PIBF1: variants seen among roughly 807,000 people sequenced by gnomAD.
PIBF1 encodes the protein progesterone immunomodulatory binding factor 1, also known as progesterone-induced-blocking factor 1.
Under a neutral mutation model 112.5 loss-of-function variants are expected in PIBF1, and 90 were observed. The ratio of observed to expected loss-of-function variants is 0.80; its 90% CI spans 0.67 to 0.95. The LOEUF (loss-of-function observed/expected upper bound fraction) is 0.95. PIBF1 is among the 40% of genes least tolerant of loss of function. The pLI is 0.00. For synonymous variants in PIBF1, 301 were observed against 288.6 expected (o/e 1.04, Z -0.44); for missense variants, 915 against 852.3 (o/e 1.07, Z -0.92).
intron 2 of PIBF1, among the ~76,000 whole-genome samples, chr13:72,788,128 A>T (rs1381533908): frequency 6.6e-6 from 1 of 152,222 alleles, no homozygotes; most frequent in African/African-American, 2.4e-5. Flanking sequence ...GTCACAGGAA[A>T]GGTAGATTTC....
intron 16 of PIBF1, among the ~76,000 whole-genome samples, chr13:72,984,361 G>GA (rs1252711082): frequency 2.0e-5 from 3 of 152,114 alleles, no homozygotes; most frequent in African/African-American, 7.2e-5. Context: ...ATCAGAGAAA[G>GA]GAAAAGTTTT....
intron 15 of PIBF1, among the ~76,000 whole-genome samples, chr13:72,966,977 C>T (rs2042757452): frequency 6.6e-6 from 1 of 151,520 alleles, no homozygotes; most frequent in African/African-American, 2.4e-5. Flanking sequence ...TCACTGTCAC[C>T]CAGGCTGGAG....
intron 10 of PIBF1, among the ~76,000 whole-genome samples, chr13:72,891,953 C>G (rs896251630): frequency 2.0e-5 from 3 of 151,962 alleles, no homozygotes; most frequent in African/African-American, 7.2e-5. Flanking sequence ...TTATATGATT[C>G]CATTAATACG....
rs536358679 is a variant in PIBF1, at chr13:73,002,857, G to T, written c.2223+3862G>T. Among the ~76,000 whole-genome samples, 12 of 151,884 alleles carry T rather than the reference G, an allele frequency of 7.9e-5. No individual in the cohort carries two copies. In the South Asian group the frequency reaches 2.5e-3, roughly 32 times the overall value. On this transcript the variant is annotated intron_variant, in intron 17 of 17. Coordinates refer to ENST00000326291, the MANE Select transcript of PIBF1 (RefSeq NM_006346.4). ...AAATTATTCAGGTGTGGTGGTGCATGCCTGTAGTCCCAGCTACCTGGGAGG... is the reference window on the plus strand; with the variant it reads ...AAATTATTCAGGTGTGGTGGTGCATTCCTGTAGTCCCAGCTACCTGGGAGG...
intron 14 of PIBF1, among the ~76,000 whole-genome samples, chr13:72,951,597 A>G (rs373668337): frequency 2.0e-5 from 3 of 152,220 alleles, no homozygotes; most frequent in East Asian, 3.8e-4. Flanking sequence ...GTATGATTCC[A>G]ACTATGTAAC....
rs1275706547 is a variant in PIBF1 at position 73,015,952 on chromosome 13, T to C, written c.*33T>C. ...GATGGGAAGCACCTGTAGACCATTA[T>C]ATACTCCTGAAGTTCTTTTTCTGAT... is the stretch of plus-strand genomic sequence containing the variant. On this transcript the variant is annotated 3_prime_UTR_variant, in exon 18 of 18. Transcript: ENST00000326291. 1 of 1,406,316 alleles carries C rather than the reference T, an allele frequency of 7.1e-7. No homozygotes were observed. The highest frequency in any genetic ancestry group is 9.7e-7 in the Non-Finnish European group (1 of 1,030,914). 87.1% of individuals were successfully genotyped at this position (1,406,316 alleles called of 1,614,324 possible).
At chr13:72,829,512 CA>C (rs759408384) in intron 8 of PIBF1, among the ~76,000 whole-genome samples, 1 of 152,150 alleles carries the variant, frequency 6.6e-6, no homozygotes, top group Non-Finnish European at 1.5e-5. Flanking sequence ...CCTAGTTTTC[CA>C]AACAACATTT....
chr13:72,851,756 A>G (rs909626260), intron 9 of PIBF1, among the ~76,000 whole-genome samples: 4 of 152,184 alleles, frequency 2.6e-5, no homozygotes, highest in African/African-American at 7.2e-5. Flanking sequence ...CTATGGACCA[A>G]TCAGCATATA....
intron 16 of PIBF1, among the ~76,000 whole-genome samples, chr13:72,983,826 C>T (rs2043211331): frequency 6.6e-6 from 1 of 151,866 alleles, no homozygotes; most frequent in Admixed American, 6.6e-5. Flanking sequence ...TTCTTATGCA[C>T]CTATGTAGTT....
At chr13:72,888,064 T>C (rs2039924760) in intron 10 of PIBF1, among the ~76,000 whole-genome samples, 1 of 152,058 alleles carries the variant, frequency 6.6e-6, no homozygotes, top group South Asian at 2.1e-4. Flanking sequence ...CAAAGAGAAG[T>C]TTTTGTTTTT....
chr13:72,913,097 T>A (rs189322718), intron 12 of PIBF1, among the ~76,000 whole-genome samples: 282 of 151,838 alleles, frequency 1.9e-3, no homozygotes, highest in Non-Finnish European at 2.7e-3. Context: ...AAATCAGAAC[T>A]GTAGTTGTCT....
At chr13:72,880,661 C>A (rs775158657) in intron 10 of PIBF1, among the ~76,000 whole-genome samples, 1 of 152,042 alleles carries the variant, frequency 6.6e-6, no homozygotes, top group African/African-American at 2.4e-5. Context: ...AATATTTAAC[C>A]CTCTGAATCT....
rs10645002 is a variant in PIBF1 at position 73,001,582 on chromosome 13, C to CTTTTTTTTTTTTTTTTTTTT, written c.2223+2605_2223+2606insTTTTTTTTTTTTTTTTTTTT. 2.8e-3 allele frequency among the ~76,000 whole-genome samples: 81 copies of CTTTTTTTTTTTTTTTTTTTT among 29,168 alleles called. 27 individuals are homozygous for CTTTTTTTTTTTTTTTTTTTT. The highest frequency in any genetic ancestry group is 3.9e-3 in the Non-Finnish European group (52 of 13,366). The allele number at this position is 29,168 out of a possible 152,430, so 19.1% of individuals were successfully genotyped here. ...CAGAGGAGGAGAAATAAGAGCTTGA[C>CTTTTTTTTTTTTTTTTTTTT]TTTTTTTTTTTTTTTTTTGACACTT... On this transcript the variant is annotated intron_variant, in intron 17 of 17. Coordinates refer to ENST00000326291, the MANE Select transcript of PIBF1 (RefSeq NM_006346.4).
At position 72,853,807 on chromosome 13, in the gene PIBF1, C is replaced by CA. The variant is rs1379702392; in HGVS notation, c.1224-247dup. On this transcript the variant is annotated intron_variant, in intron 9 of 17. Coordinates refer to ENST00000326291, the MANE Select transcript of PIBF1 (RefSeq NM_006346.4). ...AGGAATACATAAATTACTATATATA[C>CA]AAACTGGTTAGCCAACCCTTTGACC... Among the ~76,000 whole-genome samples the CA allele has an allele frequency of 2.6e-5, 4 of 152,160 alleles. No homozygotes were observed. In the South Asian group the frequency reaches 6.2e-4, roughly 24 times the overall value.
chr13:73,010,988 G>A (rs996230750), intron 17 of PIBF1, among the ~76,000 whole-genome samples: 8 of 150,984 alleles, frequency 5.3e-5, no homozygotes, highest in South Asian at 2.1e-4. Context: ...CACCACACCC[G>A]GCTAATTTTT....
At chr13:72,959,610 A>C (rs1226387976) in intron 14 of PIBF1, among the ~76,000 whole-genome samples, 1 of 152,222 alleles carries the variant, frequency 6.6e-6, no homozygotes, top group Admixed American at 6.5e-5. Context: ...AAAACTCCAC[A>C]TGTAGGAAAA....
intron 12 of PIBF1, among the ~76,000 whole-genome samples, chr13:72,916,234 C>CA (rs1171908822): frequency 1.3e-5 from 2 of 150,868 alleles, no homozygotes; most frequent in Non-Finnish European, 3.0e-5. Context: ...ACTAAAAATA[C>CA]AAAAAAAATT....
At chr13:72,886,870 G>A (rs1046561105) in intron 10 of PIBF1, among the ~76,000 whole-genome samples, 13 of 151,992 alleles carry the variant, frequency 8.6e-5, no homozygotes, top group African/African-American at 1.2e-4. Context: ...AGAAACGTTT[G>A]GAGAAATACC....
At chr13:73,007,587 A>G (rs1408006780) in intron 17 of PIBF1, among the ~76,000 whole-genome samples, 1 of 152,190 alleles carries the variant, frequency 6.6e-6, no homozygotes, top group East Asian at 1.9e-4. Flanking sequence ...AGGCGGGCAG[A>G]TCACCTCAGG....
Sources: allele counts gnomAD v4.1 joint callset (sites outside exome capture counted in the v4.1 genomes callset), GRCh38; gene constraint gnomAD v4.1.1; transcripts MANE v1.5; gene names NCBI Gene and HGNC (gene_info 2026-07-23, HGNC 2026-07-21).